Variants in HERC1 observed in about 807,000 individuals in gnomAD.
HERC1 encodes the protein probable E3 ubiquitin-protein ligase HERC1.
A neutral mutation model predicts 554.3 loss-of-function variants in HERC1; 160 were observed. That is an observed-to-expected ratio of 0.29 (90% CI 0.25 to 0.33). The LOEUF (loss-of-function observed/expected upper bound fraction) is 0.33, where lower values mean the gene tolerates loss of function less well. Among genes scored for constraint, HERC1 ranks in the 10% least tolerant of loss-of-function variants. The pLI is 1.00. For synonymous variants in HERC1, 2,175 were observed against 2,131.7 expected, an observed-to-expected ratio of 1.02 and a Z score of -0.56; for missense variants, 4,919 against 5,918.5, an observed-to-expected ratio of 0.83 and a Z score of 5.54.
chr15:63,648,116 T>C lies in HERC1; in HGVS notation c.10831A>G (p.Lys3611Glu), dbSNP rs1236472277. The change falls in exon 55 of 78, where the codon AAG becomes GAG. Residue 3611 changes from lysine (K) to glutamate (E), a missense_variant. This residue lies in a region of HERC1 where 1,963 missense variants were observed against 2,228.6 expected (regional missense o/e 0.88). Transcript: ENST00000443617. ...ATGCCTCCTTTCTCAAGTGGTTCCTTTGTTCCCAGTAACAGTTTTCCATCA... is the reference window on the plus strand; with the variant it reads ...ATGCCTCCTTTCTCAAGTGGTTCCTCTGTTCCCAGTAACAGTTTTCCATCA... ...YFDGKLLLGT[K>E]EPLEKGGIVL... The C allele has an allele frequency of 1.3e-6, 2 of 1,575,982 alleles. No homozygotes were observed. Among genetic ancestry groups the C allele is most frequent in the Non-Finnish European group, 1.7e-6 (2 of 1,158,898 alleles).
Position 63,643,434 on chromosome 15 carries a change from T to G in HERC1, c.11301A>C (p.Leu3767=). Residue 3767 remains leucine (L), a synonymous_variant, in exon 58 of 78, where the codon CTA becomes CTC. Coordinates refer to ENST00000443617, the MANE Select transcript of HERC1 (RefSeq NM_003922.4). ...SDGLALVSGG[L]GGLMNIWSLR... ...AAGACCAAATGTTCATGAGCCCACCTAGTCCACCAGACACCAGGGCCAACC... is the reference window on the plus strand; with the variant it reads ...AAGACCAAATGTTCATGAGCCCACCGAGTCCACCAGACACCAGGGCCAACC... The G allele has an allele frequency of 6.2e-7, 1 of 1,613,502 alleles. No homozygotes were observed. The highest frequency in any genetic ancestry group is 8.5e-7 in the Non-Finnish European group (1 of 1,179,638).
chr15:63,686,107 G>T (rs987023192), intron 34 of HERC1, among the ~76,000 whole-genome samples: 8 of 152,026 alleles, frequency 5.3e-5, no homozygotes, highest in Non-Finnish European at 1.0e-4. Flanking sequence ...ACTCCTTATG[G>T]GAGGGCTATA....
chr15:63,762,169 G>T (rs1286627942), intron 3 of HERC1, among the ~76,000 whole-genome samples: 1 of 152,100 alleles, frequency 6.6e-6, no homozygotes, highest in Non-Finnish European at 1.5e-5. Flanking sequence ...AAGCAAGGAG[G>T]CTCTAAAAGA....
Position 63,652,401 on chromosome 15 carries a change from T to C in HERC1, c.10418+13A>G, listed in dbSNP as rs1430809235. 1 of 1,611,346 alleles carries C rather than the reference T, an allele frequency of 6.2e-7. No homozygotes were observed. The highest frequency in any genetic ancestry group is 8.5e-7 in the Non-Finnish European group (1 of 1,178,112). On this transcript the variant is annotated intron_variant, in intron 52 of 77. Transcript: ENST00000443617. The stretch of plus-strand genomic sequence containing the variant: ...CTTATTTTAAATGGTATACACGTGA[T>C]GTTAGCACTCACAATCTGTTGAACA...
chr15:63,649,787 A>G lies in HERC1; in HGVS notation c.10685T>C (p.Ile3562Thr), dbSNP rs777104180. The change falls in exon 54 of 78, where the codon ATT becomes ACT. Residue 3562 changes from isoleucine (I) to threonine (T), a missense_variant. Transcript: ENST00000443617. ...VGRMDGSLGL[I>T]EVVDVSTMHR... ...CATGGTGGACACATCAACAACTTCA[A>G]TCAGTCCCAGAGATCCATCCATCCG... The G allele has an allele frequency of 1.2e-6, 2 of 1,613,620 alleles. No homozygotes were observed. The highest frequency in any genetic ancestry group is 1.7e-6 in the Non-Finnish European group (2 of 1,179,836).
At chr15:63,686,886 T>G (rs967909837) in intron 33 of HERC1, among the ~76,000 whole-genome samples, 4 of 152,150 alleles carry the variant, frequency 2.6e-5, no homozygotes, top group Admixed American at 6.5e-5. Flanking sequence ...TCCTGAATGA[T>G]GAGAAGGCAG....
intron 70 of HERC1, among the ~76,000 whole-genome samples, chr15:63,627,402 T>C (rs550027386): frequency 1.3e-5 from 2 of 152,262 alleles, no homozygotes; most frequent in African/African-American, 4.8e-5. Flanking sequence ...CTGGACACAG[T>C]GGCTCACACC....
In HERC1 at chr15:63,833,301, G is replaced by C. The variant is rs535832993; in HGVS notation, c.-27+526C>G. 5.3e-5 allele frequency among the ~76,000 whole-genome samples: 8 copies of C among 152,358 alleles called. No homozygotes were observed. The East Asian group carries it at 1.5e-3, about 29-fold the overall frequency. ...GAGCTGCCCTCACCCAAAGGCAGAG[G>C]AGAGGAGGAAGACACGTCGTCCCAG... On this transcript the variant is annotated intron_variant, in intron 1 of 77. Coordinates refer to ENST00000443617, the MANE Select transcript of HERC1 (RefSeq NM_003922.4).
chr15:63,833,747 G>GCACACACACACACACA (rs1279912396), intron 1 of HERC1, 80 bp downstream of exon 1: 1 of 117,734 alleles, frequency 8.5e-6, no homozygotes, highest in African/African-American at 4.1e-5. Flanking sequence ...GCACACACGC[G>GCACACACACACACACA]CGCGCGCACA....
At chr15:63,619,831 G>C (rs9744110) in intron 74 of HERC1, among the ~76,000 whole-genome samples, 19,343 of 151,836 alleles carry the variant, frequency 0.13, 1,348 homozygotes, top group Middle Eastern at 0.17. Context: ...CTGTGGGATC[G>C]GTGGTGATAT....
At chr15:63,719,306 A>G (rs1001311624) in intron 19 of HERC1, among the ~76,000 whole-genome samples, 5 of 152,174 alleles carry the variant, frequency 3.3e-5, no homozygotes, top group East Asian at 1.9e-4. Flanking sequence ...GAAGTGGGGG[A>G]AAAAGCTTGT....
rs1389707065 is a variant in HERC1, at chr15:63,718,055, T to G, written c.3978+519A>C. On this transcript the variant is annotated intron_variant, in intron 21 of 77. Coordinates refer to ENST00000443617, the MANE Select transcript of HERC1 (RefSeq NM_003922.4). The surrounding 1 kb of genome is among the most constrained non-coding windows in gnomAD (Gnocchi z 4.2). ...ATTTCCTCTCTTACAGAGAAGCTCT[T>G]TAAGTATTTTTAAGGCAGCTATTAT... Among the ~76,000 whole-genome samples the G allele has an allele frequency of 6.7e-6, 1 of 148,426 alleles. No homozygotes were observed. Among genetic ancestry groups the G allele is most frequent in the Non-Finnish European group, 1.5e-5 (1 of 67,264 alleles).
rs373140770 is a variant in HERC1, at chr15:63,692,166, G to A, written c.5830+245C>T. On this transcript the variant is annotated intron_variant, in intron 31 of 77. Coordinates refer to ENST00000443617, the MANE Select transcript of HERC1 (RefSeq NM_003922.4). This position sits in a 1 kb window ranked among gnomAD's most constrained non-coding sequence, Gnocchi z 4.7. Reference sequence around the variant, plus strand: ...CTGCTTACTCTTAGGTTTGTAATCTGAACAAAGAGGATGAAGTTCTCTAGA... The same window carrying A: ...CTGCTTACTCTTAGGTTTGTAATCTAAACAAAGAGGATGAAGTTCTCTAGA... Among the ~76,000 whole-genome samples, 1 of 152,184 alleles carries A rather than the reference G, an allele frequency of 6.6e-6. No individual in the cohort carries two copies. Among genetic ancestry groups the A allele is most frequent in the African/African-American group, 2.4e-5 (1 of 41,442 alleles).
chr15:63,798,752 T>A (rs2076889486), intron 1 of HERC1, among the ~76,000 whole-genome samples: 1 of 152,196 alleles, frequency 6.6e-6, no homozygotes. Flanking sequence ...TCATAGTGTT[T>A]GTTAAATTAA....
chr15:63,656,414 C>T (rs902784667), intron 48 of HERC1, 56 bp from the exon 49 acceptor site: 2 of 1,454,386 alleles, frequency 1.4e-6, no homozygotes, highest in East Asian at 2.3e-5. Flanking sequence ...TCTTAAGGGA[C>T]CATTTGCAGT....
Position 63,656,362 on chromosome 15 carries a change from C to G in HERC1, c.9600-4G>C. ...AGCCAGGCTACAACTGGAACCACTG[C>G]CAGTAAAGAAAAACATCTCAGATGG... On this transcript the variant is annotated splice_polypyrimidine_tract_variant and splice_region_variant and intron_variant, in intron 48 of 77. Coordinates refer to ENST00000443617, the MANE Select transcript of HERC1 (RefSeq NM_003922.4). The G allele has an allele frequency of 6.2e-7, 1 of 1,602,084 alleles. No homozygotes were observed. The highest frequency in any genetic ancestry group is 1.1e-5 in the South Asian group (1 of 90,820).
rs748368342 is a variant in HERC1 at position 63,694,729 on chromosome 15, T to C, written c.5242+45A>G. On this transcript the variant is annotated intron_variant, in intron 28 of 77. Coordinates refer to ENST00000443617, the MANE Select transcript of HERC1 (RefSeq NM_003922.4). This position sits in a 1 kb window ranked among gnomAD's most constrained non-coding sequence, Gnocchi z 4.3. ...CATAACTAGTACCATAACCTCGGGC[T>C]AAAATGTAACCTGCACTGTACATTT... 2.5e-6 allele frequency: 4 copies of C among 1,613,276 alleles called. No homozygotes were observed. In the East Asian group the frequency reaches 6.7e-5, roughly 27 times the overall value.
intron 1 of HERC1, among the ~76,000 whole-genome samples, chr15:63,829,559 GTGTA>G (rs1445643906): frequency 0.033 from 3,087 of 94,150 alleles, 33 homozygotes; most frequent in Non-Finnish European, 0.041. Flanking sequence ...GTGTGTGTGT[GTGTA>G]TATATATATA....
chr15:63,688,939 C>T (rs1001466059), intron 33 of HERC1, among the ~76,000 whole-genome samples: 13 of 152,150 alleles, frequency 8.5e-5, no homozygotes, highest in African/African-American at 3.1e-4. Flanking sequence ...GTTTGGAAGG[C>T]ACTGCAGAGT....
Sources: gnomAD v4.1 joint callset for allele counts (sites outside exome capture counted in the v4.1 genomes callset) on GRCh38, gnomAD v4.1.1 for gene constraint, gnomAD v4.1.1 regional missense constraint, Gnocchi (gnomAD v3.1) non-coding constraint, MANE v1.5 for transcripts, NCBI Gene and HGNC (gene_info 2026-07-23, HGNC 2026-07-21) for gene names.